ZNF846: variants seen among roughly 807,000 people sequenced by gnomAD.
ZNF846 encodes the protein zinc finger protein 846.
Under a neutral mutation model 16.0 loss-of-function variants are expected in ZNF846, and 15 were observed. The observed-to-expected ratio is 0.94, with a 90% CI of 0.63 to 1.45. ZNF846 has a LOEUF of 1.45. ZNF846 is among the 40% of genes most tolerant of loss of function. ZNF846 has a pLI of 0.00. For synonymous variants in ZNF846, 229 were observed against 212.0 expected, an observed-to-expected ratio of 1.08 and a Z score of -0.70; for missense variants, 714 against 622.3, an observed-to-expected ratio of 1.15 and a Z score of -1.57.
downstream of ZNF846, among the ~76,000 whole-genome samples, chr19:9,753,890 T>G (rs1329351251): frequency 6.6e-6 from 1 of 151,664 alleles, no homozygotes; most frequent in Non-Finnish European, 1.5e-5. Context: ...TGTTGTGGGG[T>G]GGGTTGTGCC....
downstream of ZNF846, chr19:9,755,671 G>A (rs959300961): frequency 5.5e-5 from 8 of 146,218 alleles, no homozygotes; most frequent in South Asian, 1.7e-3. Flanking sequence ...GTAGTGGCGG[G>A]CGCCTGTAGT....
exon 2 of ZNF846, chr19:9,764,997 T>A (rs200880967): frequency 3.1e-6 from 5 of 1,610,492 alleles, no homozygotes; most frequent in Non-Finnish European, 4.2e-6. Context: ...TTCTCGATGT[T>A]CCTGTCATGA....
chr19:9,762,192 A>G, intron 3 of ZNF846, 24 bp from the exon 4 acceptor site: 1 of 1,593,680 alleles, frequency 6.3e-7, no homozygotes, highest in Non-Finnish European at 8.6e-7. Flanking sequence ...TGCACAAAAG[A>G]AGAGGCCCAT....
intron 1 of ZNF846, among the ~76,000 whole-genome samples, chr19:9,775,116 A>G (rs2045425596): frequency 6.6e-6 from 1 of 152,034 alleles, no homozygotes; most frequent in South Asian, 2.1e-4. Flanking sequence ...TTAGTGAAAA[A>G]TGGTGTAGGT....
upstream of ZNF846, among the ~76,000 whole-genome samples, chr19:9,771,774 T>A (rs1242797686): frequency 6.6e-6 from 1 of 151,962 alleles, no homozygotes; most frequent in East Asian, 1.9e-4. Flanking sequence ...TGTCCTTTTT[T>A]TTTTTCTTTT....
chr19:9,769,980 C>CAAAA (rs765094580), upstream of ZNF846, among the ~76,000 whole-genome samples: 2 of 78,146 alleles, frequency 2.6e-5, no homozygotes, highest in Admixed American at 1.3e-4. Flanking sequence ...GACTCCGTCT[C>CAAAA]AAAAAAAAAA....
At chr19:9,756,345 GTATATATATATATATATATATATA>G (rs369347660), downstream of ZNF846, 1,049 of 81,810 alleles carry the variant, frequency 0.013, 91 homozygotes, top group African/African-American at 0.06. Flanking sequence ...GTGTGTGTGT[GTATATATATATATATATATATATA>G]TATATATATA....
exon 6 of ZNF846, chr19:9,758,721 G>C (rs762353787): frequency 6.2e-7 from 1 of 1,605,270 alleles, no homozygotes; most frequent in South Asian, 1.1e-5. Context: ...GACTTTTCCA[G>C]AATGGTTAGA....
rs10417397 is a variant in ZNF846, at chr19:9,762,231, G to A, written c.143-63C>T. On this transcript the variant is annotated intron_variant, in intron 3 of 5. Transcript: ENST00000397902. ...AGACATAACACCATGTCCTTCAATG[G>A]GGAACCAATACTTTTGCCTTCGGGG... 1.8e-3 allele frequency: 2,295 copies of A among 1,285,336 alleles called. 29 individuals carry two copies. In the African/African-American group the frequency reaches 0.031, roughly 17 times the overall value. The allele number at this position is 1,285,336 out of a possible 1,614,324, so 79.6% of individuals were successfully genotyped here.
chr19:9,752,614 C>CAAAA (rs34675292), downstream of ZNF846, among the ~76,000 whole-genome samples: 1 of 91,346 alleles, frequency 1.1e-5, no homozygotes, highest in Non-Finnish European at 2.3e-5. Context: ...GACTTCATCC[C>CAAAA]AAAAAAAAAA....
chr19:9,765,083 G>T, intron 1 of ZNF846, 48 bp from the exon 2 acceptor site: 1 of 1,031,994 alleles, frequency 9.7e-7, no homozygotes, highest in Non-Finnish European at 1.5e-6. Flanking sequence ...CAAAGAAAAA[G>T]TATTTCAGGC....
chr19:9,757,213 T>G (rs552212596), downstream of ZNF846, among the ~76,000 whole-genome samples: 9 of 149,358 alleles, frequency 6.0e-5, no homozygotes, highest in South Asian at 1.9e-3. Flanking sequence ...AAAAGAAAAA[T>G]AAACAATAGT....
intron 1 of ZNF846, among the ~76,000 whole-genome samples, chr19:9,765,541 C>A (rs1568325541): frequency 6.6e-6 from 1 of 151,946 alleles, no homozygotes; most frequent in Non-Finnish European, 1.5e-5. Context: ...GGCATGGCGG[C>A]GTGTGCCTGT....
chr19:9,754,563 T>TCAAAAAAAA (rs776769152), downstream of ZNF846, among the ~76,000 whole-genome samples: 236 of 83,680 alleles, frequency 2.8e-3, 11 homozygotes, highest in South Asian at 7.7e-3. Context: ...AGACTCTGTC[T>TCAAAAAAAA]TAAAAAAAAA....
At chr19:9,761,453 C>T (rs545956340) in intron 4 of ZNF846, among the ~76,000 whole-genome samples, 1 of 152,100 alleles carries the variant, frequency 6.6e-6, no homozygotes, top group African/African-American at 2.4e-5. Flanking sequence ...ATCACTACAC[C>T]TGTAATGCCA....
chr19:9,756,341 G>GTT (rs1227501667), downstream of ZNF846: 3 of 64,728 alleles, frequency 4.6e-5, no homozygotes, highest in East Asian at 1.0e-3. Context: ...GTGTGTGTGT[G>GTT]TGTGTATATA....
downstream of ZNF846, among the ~76,000 whole-genome samples, chr19:9,755,031 A>G (rs1213436302): frequency 6.6e-6 from 1 of 151,118 alleles, no homozygotes; most frequent in Non-Finnish European, 1.5e-5. Flanking sequence ...ACACCCAGCT[A>G]ATTTTTGTAT....
At chr19:9,756,173 T>G (rs116031978), downstream of ZNF846, 1 of 150,298 alleles carries the variant, frequency 6.7e-6, no homozygotes, top group Admixed American at 6.6e-5. Flanking sequence ...ATAGCTTGTT[T>G]GCAGTGTGGG....
downstream of ZNF846, among the ~76,000 whole-genome samples, chr19:9,755,793 C>T (rs2145177889): frequency 1.3e-5 from 1 of 78,234 alleles, no homozygotes; most frequent in African/African-American, 6.0e-5. Flanking sequence ...GAGCGAGACT[C>T]CGTCTCAAAA....
Sources: gnomAD v4.1 joint callset for allele counts (sites outside exome capture counted in the v4.1 genomes callset) on GRCh38, gnomAD v4.1.1 for gene constraint, MANE v1.5 for transcripts, NCBI Gene and HGNC (gene_info 2026-07-23, HGNC 2026-07-21) for gene names.